Variants in RECQL5 observed in about 807,000 individuals in gnomAD.
RECQL5 encodes the protein ATP-dependent DNA helicase Q5.
A neutral mutation model predicts 103.4 loss-of-function variants in RECQL5; 88 were observed. The observed-to-expected ratio is 0.85, with a 90% CI of 0.72 to 1.02. The LOEUF is 1.02. Ranked by LOEUF, RECQL5 falls within the 50% of genes least tolerant of loss-of-function variation. The pLI is 0.00. For synonymous variants in RECQL5, 552 were observed against 507.9 expected (o/e 1.09, Z -1.17); for missense variants, 1,232 against 1,284.3 (o/e 0.96, Z 0.62).
chr17:75,630,618 CTCA>C lies in RECQL5; in HGVS notation c.1716_1718del (p.Asp572del). ...CTCAGCCCAGTGATCGTGGAACTCA[CTCA>C]TCAGCGGTACGTGTTGACTGGCGGT... On this transcript the variant is annotated inframe_deletion and splice_region_variant, in exon 13 of 20. Coordinates refer to ENST00000317905, the MANE Select transcript of RECQL5 (RefSeq NM_004259.7). 6.2e-7 allele frequency: 1 copy of C among 1,613,558 alleles called. No homozygotes were observed. The highest frequency in any genetic ancestry group is 8.5e-7 in the Non-Finnish European group (1 of 1,179,712).
chr17:75,631,804 C>T (rs192482341), intron 8 of RECQL5, 136 bp from the exon 9 acceptor site: 45 of 843,436 alleles, frequency 5.3e-5, no homozygotes, highest in Non-Finnish European at 1.9e-5. Flanking sequence ...CCCCTCATCT[C>T]ATCCAAGCTG....
chr17:75,627,405 G>A lies in RECQL5; in HGVS notation c.*17C>T, dbSNP rs2059115469. On this transcript the variant is annotated 3_prime_UTR_variant, in exon 20 of 20. Transcript: ENST00000317905. ...GAATCTGGGGGAGGACGCGGGCCCTGCCCAGCCAGCAGTTGGTCATCTCTG... is the reference window on the plus strand; with the variant it reads ...GAATCTGGGGGAGGACGCGGGCCCTACCCAGCCAGCAGTTGGTCATCTCTG... The A allele has an allele frequency of 1.9e-6, 3 of 1,603,966 alleles. No individual in the cohort carries two copies. Among genetic ancestry groups the A allele is most frequent in the African/African-American group, 2.7e-5 (2 of 74,760 alleles).
In RECQL5 at chr17:75,662,222, T is replaced by G. The variant is rs562751041; in HGVS notation, c.771+257A>C. ...ACCTGTTTAACTTCTCTGCCTCCTC[T>G]TCATGAGCTTTGCATGGGTCTGCAG... On this transcript the variant is annotated intron_variant, in intron 4 of 19. Coordinates refer to ENST00000317905, the MANE Select transcript of RECQL5 (RefSeq NM_004259.7). Among the ~76,000 whole-genome samples, 3 of 152,152 alleles carry G rather than the reference T, an allele frequency of 2.0e-5. No homozygotes were observed. In the South Asian group the frequency reaches 6.2e-4, roughly 32 times the overall value.
intron 7 of RECQL5, 23 bp from the exon 8 acceptor site, chr17:75,651,288 T>G (rs2059552381): frequency 6.2e-7 from 1 of 1,613,564 alleles, no homozygotes; most frequent in African/African-American, 1.3e-5. Flanking sequence ...AATGACCACT[T>G]AGCAAGTCTT....
At chr17:75,657,445 T>C (rs1162376901) in intron 7 of RECQL5, among the ~76,000 whole-genome samples, 1 of 151,616 alleles carries the variant, frequency 6.6e-6, no homozygotes, top group Non-Finnish European at 1.5e-5. Context: ...TAAAATAACA[T>C]GTACACAAAA....
At position 75,629,399 on chromosome 17, in the gene RECQL5, G is replaced by A. The variant is rs781586764; in HGVS notation, c.2024C>T (p.Thr675Ile). The change falls in exon 16 of 20, where the codon ACA becomes ATA. Residue 675 changes from threonine to isoleucine, a missense_variant. Coordinates refer to ENST00000317905, the MANE Select transcript of RECQL5 (RefSeq NM_004259.7). ...PFQTATELME[T>I]TRIREQAPQP... Reference sequence around the variant, plus strand: ...GGGGGCTTGCTCCCTGATCCGAGTTGTCTCCATCAGTTCCGTGGCCGTCTG... The same window carrying A: ...GGGGGCTTGCTCCCTGATCCGAGTTATCTCCATCAGTTCCGTGGCCGTCTG... 2.3e-5 allele frequency: 35 copies of A among 1,508,198 alleles called. No individual in the cohort carries two copies. The East Asian group carries it at 4.1e-4, about 18-fold the overall frequency. 93.4% of individuals were successfully genotyped at this position (1,508,198 alleles called of 1,614,324 possible). A position where few individuals can be genotyped will look rare whatever the true frequency, so the allele number is the denominator to read the frequency against.
intron 7 of RECQL5, among the ~76,000 whole-genome samples, chr17:75,656,239 GC>G (rs2148328842): frequency 6.6e-6 from 1 of 152,062 alleles, no homozygotes; most frequent in African/African-American, 2.4e-5. Flanking sequence ...ACCACACCTG[GC>G]TAATTTTGCA....
intron 8 of RECQL5, chr17:75,633,371 T>C (rs1299899602): frequency 1.0e-5 from 12 of 1,194,238 alleles, no homozygotes; most frequent in Non-Finnish European, 1.2e-5. Flanking sequence ...ACCAGGCAAA[T>C]GTCACAGGGC....
Position 75,628,914 on chromosome 17 carries a change from A to G in RECQL5, c.2489+20T>C. On this transcript the variant is annotated intron_variant, in intron 16 of 19. Coordinates refer to ENST00000317905, the MANE Select transcript of RECQL5 (RefSeq NM_004259.7). Reference sequence around the variant, plus strand: ...TGCCGTGTAGGTTCCAGAAGATTCTATGACTACCTGTACCCTTACCTTGGC... The same window carrying G: ...TGCCGTGTAGGTTCCAGAAGATTCTGTGACTACCTGTACCCTTACCTTGGC... 2 of 1,581,748 alleles carry G rather than the reference A, an allele frequency of 1.3e-6. No homozygotes were observed. The highest frequency in any genetic ancestry group is 2.3e-5 in the South Asian group (2 of 85,192).
At chr17:75,655,402 C>T (rs1447623583) in intron 7 of RECQL5, among the ~76,000 whole-genome samples, 2 of 149,188 alleles carry the variant, frequency 1.3e-5, no homozygotes, top group Admixed American at 1.3e-4. Context: ...CTCGCTCTAT[C>T]ACCCAGGCTG....
At position 75,662,635 on chromosome 17, in the gene RECQL5, A is replaced by G; in HGVS notation, c.615T>C (p.Ala205=). 1 of 1,614,212 alleles carries G rather than the reference A, an allele frequency of 6.2e-7. No homozygotes were observed. The highest frequency in any genetic ancestry group is 1.6e-4 in the Middle Eastern group (1 of 6,062). The change falls in exon 4 of 20, where the codon GCT becomes GCC. Residue 205 remains alanine, a synonymous_variant. Transcript: ENST00000317905. ...CAACTGGTTTCTTCAGGTGCAGGGC[A>G]GCAAACACGTCCTCTTGGACCTGTG... The part of the protein sequence containing the change: ...ATPQVQEDVF[A]ALHLKKPVAI...
chr17:75,665,318 C>T lies in RECQL5; in HGVS notation c.131-146G>A, dbSNP rs2059753951. On this transcript the variant is annotated intron_variant, in intron 2 of 19. Coordinates refer to ENST00000317905, the MANE Select transcript of RECQL5 (RefSeq NM_004259.7). ...GATGTAATCCTAATTCCCCTCCTGT[C>T]CTTTCTATGAAAAAGGCAAGGATCC... is the stretch of plus-strand genomic sequence containing the variant. 2.0e-5 allele frequency: 14 copies of T among 688,412 alleles called. 1 individual carries two copies. The South Asian group carries it at 2.6e-4, about 13-fold the overall frequency. The allele number at this position is 688,412 out of a possible 1,614,324, so 42.6% of individuals were successfully genotyped here. A position where few individuals can be genotyped will look rare whatever the true frequency, so the allele number is the denominator to read the frequency against.
At chr17:75,635,285 G>A (rs750148798) in intron 8 of RECQL5, among the ~76,000 whole-genome samples, 2 of 152,256 alleles carry the variant, frequency 1.3e-5, no homozygotes, top group Middle Eastern at 3.4e-3. Context: ...GGTCGGGGTC[G>A]GGGCACAGCG....
intron 8 of RECQL5, chr17:75,647,480 T>A: frequency 6.5e-7 from 1 of 1,550,386 alleles, no homozygotes; most frequent in Non-Finnish European, 8.7e-7. Flanking sequence ...ATCACCGCTG[T>A]CCTGCTTCTC....
chr17:75,653,323 T>C (rs2059578067), intron 7 of RECQL5, among the ~76,000 whole-genome samples: 1 of 152,198 alleles, frequency 6.6e-6, no homozygotes, highest in Non-Finnish European at 1.5e-5. Context: ...TGTGGACACC[T>C]GGTCAGGGCA....
chr17:75,642,626 C>T (rs1274049094), intron 8 of RECQL5, among the ~76,000 whole-genome samples: 2 of 152,174 alleles, frequency 1.3e-5, no homozygotes, highest in South Asian at 2.1e-4. Flanking sequence ...AGAATGATGA[C>T]GATGATCATG....
intron 8 of RECQL5, among the ~76,000 whole-genome samples, chr17:75,648,637 G>C (rs906267366): frequency 6.7e-6 from 1 of 149,124 alleles, no homozygotes; most frequent in African/African-American, 2.5e-5. Context: ...CCTCCAAAGT[G>C]CTAGGATTAC....
At chr17:75,649,818 T>C (rs975117611) in intron 8 of RECQL5, 46 of 985,316 alleles carry the variant, frequency 4.7e-5, no homozygotes, top group African/African-American at 7.0e-5. Flanking sequence ...CGCAACACCG[T>C]CACCTGGACT....
chr17:75,649,350 G>C (rs2059526877), intron 8 of RECQL5: 1 of 152,272 alleles, frequency 6.6e-6, no homozygotes, highest in Non-Finnish European at 1.5e-5. Flanking sequence ...AGTAGCTACA[G>C]ATAGAGAAGA....
Sources: allele counts gnomAD v4.1 joint callset (sites outside exome capture counted in the v4.1 genomes callset), GRCh38; gene constraint gnomAD v4.1.1; transcripts MANE v1.5; gene names NCBI Gene and HGNC (gene_info 2026-07-23, HGNC 2026-07-21).